HS2ST1: variants seen among roughly 807,000 people sequenced by gnomAD.
HS2ST1 encodes the protein 2-O-sulfotransferase.
Under a neutral mutation model 42.9 loss-of-function variants are expected in HS2ST1, and 18 were observed. The ratio of observed to expected loss-of-function variants is 0.42; its 90% CI spans 0.29 to 0.62. HS2ST1 has a LOEUF of 0.62. HS2ST1 is among the 20% of genes least tolerant of loss of function. The probability of loss-of-function intolerance (pLI) is 0.21; values close to 1 mark genes in which losing one functional copy is unlikely to be tolerated. For missense variants in HS2ST1, 334 were observed against 433.8 expected (o/e 0.77, Z 2.04); for synonymous variants, 146 against 152.9 (o/e 0.95, Z 0.33).
intron 1 of HS2ST1, among the ~76,000 whole-genome samples, chr1:86,957,397 A>C (rs990454453): frequency 6.6e-6 from 1 of 152,220 alleles, no homozygotes; most frequent in Non-Finnish European, 1.5e-5. Context: ...CAGCAGTCTT[A>C]TGCTTAACCA....
intron 3 of HS2ST1, among the ~76,000 whole-genome samples, chr1:87,088,951 A>G (rs1651876353): frequency 1.3e-5 from 2 of 152,046 alleles, no homozygotes; most frequent in Non-Finnish European, 2.9e-5. Context: ...CAGAATAACT[A>G]TGTACAATGT....
At chr1:86,915,345 C>T (rs1291892959) in intron 1 of HS2ST1, among the ~76,000 whole-genome samples, 185 bp downstream of exon 1, 1 of 152,184 alleles carries the variant, frequency 6.6e-6, no homozygotes, top group Non-Finnish European at 1.5e-5. Flanking sequence ...TAAGCTTGAG[C>T]GGCGTGCTGG....
chr1:86,917,867 G>A (rs747117033), intron 1 of HS2ST1, among the ~76,000 whole-genome samples: 2 of 152,132 alleles, frequency 1.3e-5, no homozygotes, highest in Non-Finnish European at 2.9e-5. Context: ...TTAGATTCAT[G>A]TAATGAACAT....
At chr1:87,075,310 G>A (rs751057104) in intron 2 of HS2ST1, among the ~76,000 whole-genome samples, 5 of 151,520 alleles carry the variant, frequency 3.3e-5, no homozygotes, top group Non-Finnish European at 7.4e-5. Context: ...AGGATTATAG[G>A]CATGCGCCAC....
intron 1 of HS2ST1, among the ~76,000 whole-genome samples, chr1:86,991,737 A>G (rs906651603): frequency 9.9e-5 from 15 of 152,228 alleles, no homozygotes; most frequent in African/African-American, 3.6e-4. Flanking sequence ...AAATGGAGAT[A>G]AGACTTGTAC....
chr1:86,993,276 G>C, intron 1 of HS2ST1: 1 of 997,804 alleles, frequency 1.0e-6, no homozygotes, highest in South Asian at 1.8e-5. Flanking sequence ...TTTGGCAGGG[G>C]GGTACCCCAT....
chr1:87,053,037 G>C (rs764308818), intron 1 of HS2ST1, among the ~76,000 whole-genome samples: 1 of 152,138 alleles, frequency 6.6e-6, no homozygotes, highest in African/African-American at 2.4e-5. Context: ...GAGAACCACT[G>C]CTTTAGAATA....
intron 1 of HS2ST1, among the ~76,000 whole-genome samples, chr1:87,053,400 A>G (rs1266870390): frequency 6.6e-6 from 1 of 152,214 alleles, no homozygotes; most frequent in Non-Finnish European, 1.5e-5. Context: ...TTTAATATCA[A>G]AATTAATATT....
intron 1 of HS2ST1, among the ~76,000 whole-genome samples, chr1:86,921,760 A>T (rs1660305336): frequency 6.6e-6 from 1 of 152,264 alleles, no homozygotes; most frequent in Non-Finnish European, 1.5e-5. Flanking sequence ...GTTTTCTATA[A>T]ATTACCCAGT....
chr1:87,074,842 T>G (rs1651498607), intron 2 of HS2ST1, among the ~76,000 whole-genome samples: 1 of 152,190 alleles, frequency 6.6e-6, no homozygotes, highest in South Asian at 2.1e-4. Context: ...CAGCTGGTAG[T>G]CCAAAACCTG....
At chr1:87,097,810 T>C (rs750072460) in intron 4 of HS2ST1, 28 bp from the exon 5 acceptor site, 2 of 1,613,238 alleles carry the variant, frequency 1.2e-6, no homozygotes, top group East Asian at 4.5e-5. Context: ...ATTTATGGCT[T>C]ACCCGTGCTG....
intron 3 of HS2ST1, among the ~76,000 whole-genome samples, chr1:87,086,922 A>ATTG (rs67380203): frequency 5.8e-4 from 3 of 5,198 alleles, no homozygotes; most frequent in South Asian, 0.025. Context: ...GTAGATATAA[A>ATTG]TTATTATAAA....
chr1:87,093,614 G>A (rs1344893704), intron 4 of HS2ST1, among the ~76,000 whole-genome samples: 1 of 152,018 alleles, frequency 6.6e-6, no homozygotes, highest in Non-Finnish European at 1.5e-5. Context: ...CCAAAATGTG[G>A]TGAATTTCCT....
At chr1:86,974,766 T>G (rs1233493546) in intron 1 of HS2ST1, among the ~76,000 whole-genome samples, 1 of 152,196 alleles carries the variant, frequency 6.6e-6, no homozygotes, top group Non-Finnish European at 1.5e-5. Flanking sequence ...CACTGGTGTT[T>G]CTGTGTGAGT....
chr1:87,109,493 AACTT>A lies in HS2ST1; in HGVS notation c.*4799_*4802del, dbSNP rs1275725790. 2 of 152,152 alleles carry A rather than the reference AACTT, an allele frequency of 1.3e-5. No individual in the cohort carries two copies. The highest frequency in any genetic ancestry group is 6.6e-5 in the Admixed American group (1 of 15,260). The allele number at this position is 152,152 out of a possible 1,614,324, so 9.4% of individuals were successfully genotyped here. A position where few individuals can be genotyped will look rare whatever the true frequency, so the allele number is the denominator to read the frequency against. ...ATTAGAATTAAAAAAATTTGAAAGT[AACTT>A]AATCTAACATTTATGGCACAGTTTG... On this transcript the variant is annotated 3_prime_UTR_variant, in exon 7 of 7. Transcript: ENST00000370550.
intron 1 of HS2ST1, among the ~76,000 whole-genome samples, chr1:86,961,740 C>CTATA (rs918645871): frequency 1.3e-5 from 2 of 152,208 alleles, no homozygotes; most frequent in African/African-American, 4.8e-5. Context: ...CAGAAACACC[C>CTATA]TATACTCCAT....
At chr1:86,984,311 G>C (rs1408154799) in intron 1 of HS2ST1, among the ~76,000 whole-genome samples, 1 of 152,158 alleles carries the variant, frequency 6.6e-6, no homozygotes, top group Non-Finnish European at 1.5e-5. Context: ...TCTGATGTCT[G>C]ATTCAGAATT....
At chr1:86,957,666 T>A (rs1647710958) in intron 1 of HS2ST1, among the ~76,000 whole-genome samples, 1 of 152,008 alleles carries the variant, frequency 6.6e-6, no homozygotes, top group South Asian at 2.1e-4. Flanking sequence ...TTGAGCTCAC[T>A]TAAAAAAAAA....
intron 1 of HS2ST1, among the ~76,000 whole-genome samples, chr1:86,979,264 C>T (rs1173078207): frequency 3.3e-5 from 5 of 152,080 alleles, no homozygotes; most frequent in African/African-American, 9.7e-5. Flanking sequence ...ATTAACATTA[C>T]GTTCATAGAG....
Sources: allele counts gnomAD v4.1 joint callset (sites outside exome capture counted in the v4.1 genomes callset), GRCh38; gene constraint gnomAD v4.1.1; transcripts MANE v1.5; gene names NCBI Gene and HGNC (gene_info 2026-07-23, HGNC 2026-07-21).